WNK1: variants seen among roughly 807,000 people sequenced by gnomAD.
WNK1 encodes the protein serine/threonine-protein kinase WNK1.
A neutral mutation model predicts 222.8 loss-of-function variants in WNK1; 38 were observed. The ratio of observed to expected loss-of-function variants is 0.17; its 90% confidence interval spans 0.13 to 0.22. The LOEUF (loss-of-function observed/expected upper bound fraction) is 0.22. Ranked by LOEUF, WNK1 falls within the 10% of genes least tolerant of loss-of-function variation. The pLI, the probability that WNK1 is intolerant of heterozygous loss-of-function variation, is 1.00. For missense variants in WNK1, 2,348 were observed against 2,918.4 expected (o/e 0.80, Z 4.50); for synonymous variants, 1,090 against 1,092.9 (o/e 1.00, Z 0.05).
At chr12:765,649 G>C (rs996453440) in intron 1 of WNK1, among the ~76,000 whole-genome samples, 9 of 152,118 alleles carry the variant, frequency 5.9e-5, no homozygotes, top group African/African-American at 2.2e-4. Context: ...ACGATATGAG[G>C]ACTGTGCATG....
chr12:770,835 TC>T (rs1466698330), intron 1 of WNK1, among the ~76,000 whole-genome samples: 38 of 152,206 alleles, frequency 2.5e-4, no homozygotes, highest in African/African-American at 8.4e-4. Flanking sequence ...AAATGGCATT[TC>T]TTTATGGCTT....
intron 2 of WNK1, among the ~76,000 whole-genome samples, chr12:822,975 A>G (rs1473431712): frequency 6.6e-6 from 1 of 152,042 alleles, no homozygotes; most frequent in Non-Finnish European, 1.5e-5. Flanking sequence ...GCTTTTATTT[A>G]CCTGGGAATA....
intron 8 of WNK1, among the ~76,000 whole-genome samples, chr12:871,000 A>G (rs1319206123): frequency 6.6e-6 from 1 of 152,244 alleles, no homozygotes; most frequent in Non-Finnish European, 1.5e-5. Flanking sequence ...AGCTAAAATT[A>G]CAGCCTGAGC....
chr12:837,250 G>T (rs1949255186), intron 4 of WNK1, among the ~76,000 whole-genome samples: 1 of 152,168 alleles, frequency 6.6e-6, no homozygotes, highest in Non-Finnish European at 1.5e-5. Context: ...TGCCTTATTT[G>T]AACACTCAGC....
At chr12:863,986 A>C (rs1344999013) in intron 8 of WNK1, among the ~76,000 whole-genome samples, 1 of 152,194 alleles carries the variant, frequency 6.6e-6, no homozygotes, top group African/African-American at 2.4e-5. Context: ...TTGGAAATGA[A>C]AACATAGTTT....
At chr12:807,664 A>G (rs576884407) in intron 1 of WNK1, among the ~76,000 whole-genome samples, 1 of 145,232 alleles carries the variant, frequency 6.9e-6, no homozygotes, top group African/African-American at 2.6e-5. Flanking sequence ...GCAGAGTAAC[A>G]TTTGTCTCTG....
In WNK1 at chr12:880,914, G is replaced by A. The variant is rs987743840; in HGVS notation, c.3026G>A (p.Gly1009Asp). ...TCAAATCTTTTAGTTCCTATGGGTG[G>A]TGTAGGAGGACAGGTTCAAGTGTCC... is the stretch of plus-strand genomic sequence containing the variant. The part of the protein sequence containing the change: ...VESNLLVPMG[G>D]VGGQVQVSQP... Residue 1009 changes from glycine (G) to aspartate (D), a missense_variant, in exon 12 of 28, where the codon GGT (glycine) becomes GAT (aspartate). Coordinates refer to ENST00000315939, the MANE Select transcript of WNK1 (RefSeq NM_018979.4). 1 of 1,614,158 alleles carries A rather than the reference G, an allele frequency of 6.2e-7. No homozygotes were observed.
chr12:900,782 T>G, intron 26 of WNK1, 112 bp downstream of exon 26: 1 of 1,280,870 alleles, frequency 7.8e-7, no homozygotes, highest in Non-Finnish European at 1.1e-6. Context: ...ACACAGCCTG[T>G]GTGTTGTACA....
chr12:803,686 G>A (rs1054684237), intron 1 of WNK1, among the ~76,000 whole-genome samples: 1 of 152,144 alleles, frequency 6.6e-6, no homozygotes. Flanking sequence ...GCAGTGAGCC[G>A]AGATTGTGCC....
chr12:767,685 CTT>C (rs1941941848), intron 1 of WNK1, among the ~76,000 whole-genome samples: 1 of 152,058 alleles, frequency 6.6e-6, no homozygotes, highest in South Asian at 2.1e-4. Flanking sequence ...GTGAGGGAAA[CTT>C]TTCAGCCAGT....
intron 1 of WNK1, among the ~76,000 whole-genome samples, chr12:776,174 CA>C (rs1399151200): frequency 6.6e-6 from 1 of 151,942 alleles, no homozygotes; most frequent in African/African-American, 2.4e-5. Flanking sequence ...GCTGGGACTA[CA>C]GGCATGTACC....
intron 12 of WNK1, among the ~76,000 whole-genome samples, chr12:881,276 T>C (rs1953132706): frequency 6.6e-6 from 1 of 152,242 alleles, no homozygotes; most frequent in East Asian, 1.9e-4. Flanking sequence ...ATTCTTGTCC[T>C]TTCACAAACT....
Position 908,861 on chromosome 12 carries a change from G to GGGGGGGGGGGGGGGGGGGGGGCC in WNK1, c.*69_*70insGGGGGGGGGGGGGGGGGGGGGCC. ...ATGCTGAGGGGGTGGGTGGGGGTGGGAAGTAGCCTATATACTAACTACTAG... is the reference window on the plus strand; with the variant it reads ...ATGCTGAGGGGGTGGGTGGGGGTGGGGGGGGGGGGGGGGGGGGGGGGCCAAGTAGCCTATATACTAACTACTAG... On this transcript the variant is annotated 3_prime_UTR_variant, in exon 28 of 28. Transcript: ENST00000315939. 6.1e-6 allele frequency: 3 copies of GGGGGGGGGGGGGGGGGGGGGGCC among 491,846 alleles called. No individual in the cohort carries two copies. Among genetic ancestry groups the GGGGGGGGGGGGGGGGGGGGGGCC allele is most frequent in the Non-Finnish European group, 1.2e-5 (3 of 241,770 alleles). 30.5% of individuals were successfully genotyped at this position (491,846 alleles called of 1,614,324 possible).
intron 10 of WNK1, 28 bp downstream of exon 10, chr12:878,389 G>A (rs1952816335): frequency 6.3e-7 from 1 of 1,589,536 alleles, no homozygotes; most frequent in African/African-American, 1.4e-5. Flanking sequence ...TTTTAAACAG[G>A]TAAACTCTTA....
intron 1 of WNK1, among the ~76,000 whole-genome samples, chr12:786,880 C>G (rs574232343): frequency 6.6e-6 from 1 of 152,108 alleles, no homozygotes; most frequent in South Asian, 2.1e-4. Flanking sequence ...AGAACTTTAA[C>G]GTACATTTAT....
At chr12:772,087 A>G (rs1942576466) in intron 1 of WNK1, among the ~76,000 whole-genome samples, 1 of 152,160 alleles carries the variant, frequency 6.6e-6, no homozygotes, top group African/African-American at 2.4e-5. Context: ...TATTGTAACC[A>G]TCCTTAATTC....
At position 754,141 on chromosome 12, in the gene WNK1, G is replaced by A. The variant is rs971232152; in HGVS notation, c.576G>A (p.Glu192=). 1 of 1,612,724 alleles carries A rather than the reference G, an allele frequency of 6.2e-7. No individual in the cohort carries two copies. The highest frequency in any genetic ancestry group is 1.7e-5 in the Admixed American group (1 of 60,018). Residue 192 remains glutamate, a synonymous_variant, in exon 1 of 28, where the codon GAG becomes GAA. Coordinates refer to ENST00000315939, the MANE Select transcript of WNK1 (RefSeq NM_018979.4). The part of the protein sequence containing the change: ...RSGSGGGSAK[E]PQEERSQQQD... Reference sequence around the variant, plus strand: ...GCAGCGGCGGCGGCAGCGCCAAGGAGCCACAGGAGGAACGGAGCCAGCAGC... The same window carrying A: ...GCAGCGGCGGCGGCAGCGCCAAGGAACCACAGGAGGAACGGAGCCAGCAGC...
chr12:885,536 T>G lies in WNK1; in HGVS notation c.4732T>G (p.Ser1578Ala), dbSNP rs530863992. ...HPLVIPSVIA[S>A]TPILPQAAGP... ...TTTGGTCATTCCATCAGTGATAGCT[T>G]CTACTCCTATTCTTCCCCAAGCAGC... is the stretch of plus-strand genomic sequence containing the variant. Residue 1578 changes from serine (S) to alanine (A), a missense_variant, in exon 19 of 28, where the codon TCT (serine) becomes GCT (alanine). Coordinates refer to ENST00000315939, the MANE Select transcript of WNK1 (RefSeq NM_018979.4). 6.2e-7 allele frequency: 1 copy of G among 1,614,084 alleles called. No individual in the cohort carries two copies. The highest frequency in any genetic ancestry group is 1.3e-5 in the African/African-American group (1 of 75,008).
chr12:788,014 A>G (rs1212831313), intron 1 of WNK1, among the ~76,000 whole-genome samples: 1 of 152,086 alleles, frequency 6.6e-6, no homozygotes, highest in East Asian at 1.9e-4. Flanking sequence ...TGAGCTGGCC[A>G]TTGGGTTGGG....
Sources: gnomAD v4.1 joint callset for allele counts (sites outside exome capture counted in the v4.1 genomes callset) on GRCh38, gnomAD v4.1.1 for gene constraint, MANE v1.5 for transcripts, NCBI Gene and HGNC (gene_info 2026-07-23, HGNC 2026-07-21) for gene names.